Variants in GFRA1 observed in about 807,000 individuals in gnomAD.
The protein encoded by GFRA1 is GDNF family receptor alpha-1.
A neutral mutation model predicts 51.6 loss-of-function variants in GFRA1; 16 were observed. The observed-to-expected ratio is 0.31, with a 90% CI of 0.21 to 0.47. The LOEUF is 0.47. Among genes scored for constraint, GFRA1 ranks in the 20% least tolerant of loss-of-function variants. The pLI is 1.00. For synonymous variants in GFRA1, 270 were observed against 241.3 expected, an observed-to-expected ratio of 1.12 and a Z score of -1.10; for missense variants, 530 against 594.3, an observed-to-expected ratio of 0.89 and a Z score of 1.13.
At chr10:116,190,501 G>A in intron 5 of GFRA1, among the ~76,000 whole-genome samples, 1 of 152,264 alleles carries the variant, frequency 6.6e-6, no homozygotes, top group Admixed American at 6.5e-5. Context: ...AAAGGTACAG[G>A]CCCAGAAACT....
intron 4 of GFRA1, among the ~76,000 whole-genome samples, chr10:116,222,887 A>G (rs1966022608): frequency 6.6e-6 from 1 of 152,240 alleles, no homozygotes; most frequent in Non-Finnish European, 1.5e-5. Flanking sequence ...ATAATACTGT[A>G]ATAAAAATAA....
intron 4 of GFRA1, among the ~76,000 whole-genome samples, chr10:116,250,642 T>C (rs1454787492): frequency 6.6e-6 from 1 of 152,174 alleles, no homozygotes. Flanking sequence ...TCCAGACGGC[T>C]GTTTTGCTCA....
At chr10:116,095,900 T>A (rs1956549468) in intron 7 of GFRA1, among the ~76,000 whole-genome samples, 2 of 152,218 alleles carry the variant, frequency 1.3e-5, no homozygotes, top group South Asian at 2.1e-4. Context: ...CCAGTTGAGA[T>A]GAGCCCTGCC....
At chr10:116,120,049 G>A (rs1231660742) in intron 6 of GFRA1, among the ~76,000 whole-genome samples, 2 of 152,168 alleles carry the variant, frequency 1.3e-5, no homozygotes, top group African/African-American at 4.8e-5. Context: ...CAATGATAGG[G>A]TCCTTGATCC....
intron 4 of GFRA1, among the ~76,000 whole-genome samples, chr10:116,260,456 G>A (rs1053115880): frequency 7.2e-5 from 11 of 152,238 alleles, no homozygotes; most frequent in Admixed American, 2.0e-4. Flanking sequence ...AAACAATTCT[G>A]CCACCATGGC....
intron 4 of GFRA1, among the ~76,000 whole-genome samples, chr10:116,239,909 C>T (rs1023529357): frequency 1.3e-5 from 2 of 152,136 alleles, no homozygotes; most frequent in Admixed American, 6.5e-5. Flanking sequence ...CAATAGCGCC[C>T]TGTTAACATA....
intron 5 of GFRA1, among the ~76,000 whole-genome samples, chr10:116,158,832 G>A (rs192777186): frequency 5.3e-3 from 803 of 152,342 alleles, no homozygotes; most frequent in Non-Finnish European, 8.8e-3. Flanking sequence ...GCCAAGGCAA[G>A]CTTACAGGGG....
intron 5 of GFRA1, among the ~76,000 whole-genome samples, chr10:116,142,464 C>G (rs1049411795): frequency 6.6e-6 from 1 of 152,106 alleles, no homozygotes; most frequent in African/African-American, 2.4e-5. Flanking sequence ...CAAAAATCCC[C>G]AAGACCTTTC....
intron 6 of GFRA1, among the ~76,000 whole-genome samples, chr10:116,117,557 G>GGATGGATGGATGGATGGATGGA (rs1555152575): frequency 2.1e-5 from 2 of 97,348 alleles, no homozygotes; most frequent in East Asian, 6.4e-4. Flanking sequence ...GGGTGGGTGT[G>GGATGGATGGATGGATGGATGGA]TGGATGGATG....
chr10:116,071,857 AT>A (rs997636243), intron 9 of GFRA1, among the ~76,000 whole-genome samples: 13 of 149,424 alleles, frequency 8.7e-5, no homozygotes, highest in Non-Finnish European at 1.3e-4. Flanking sequence ...TCTTTATTCT[AT>A]TTTTTTTTTA....
intron 5 of GFRA1, among the ~76,000 whole-genome samples, chr10:116,172,078 T>C (rs1343607705): frequency 6.6e-6 from 1 of 152,176 alleles, no homozygotes. Context: ...CCCTCAGCCC[T>C]GAGAACTCTT....
At chr10:116,263,844 G>A (rs548575264) in intron 4 of GFRA1, among the ~76,000 whole-genome samples, 1 of 152,318 alleles carries the variant, frequency 6.6e-6, no homozygotes, top group East Asian at 1.9e-4. Flanking sequence ...AAGACAGCAG[G>A]TAATTTCAGC....
In GFRA1 at chr10:116,062,400, C is replaced by T; in HGVS notation, c.*1998G>A. ...TCACTAATTAAATACAGTTGGGTGT[C>T]TGCTGAATTTCCCTTGAAAACATTT... On this transcript the variant is annotated 3_prime_UTR_variant, in exon 11 of 11. Coordinates refer to ENST00000355422, the MANE Select transcript of GFRA1 (RefSeq NM_005264.8). 2 of 332,674 alleles carry T rather than the reference C, an allele frequency of 6.0e-6. No homozygotes were observed. Among genetic ancestry groups the T allele is most frequent in the Non-Finnish European group, 1.1e-5 (2 of 185,614 alleles). The allele number at this position is 332,674 out of a possible 1,614,324, so 20.6% of individuals were successfully genotyped here.
At chr10:116,092,618 A>C (rs975216891) in intron 8 of GFRA1, among the ~76,000 whole-genome samples, 2 of 152,022 alleles carry the variant, frequency 1.3e-5, no homozygotes, top group African/African-American at 4.8e-5. Context: ...GCTCCTCAAC[A>C]TCGGGGTGAA....
At chr10:116,212,885 C>G (rs1303505207) in intron 4 of GFRA1, among the ~76,000 whole-genome samples, 2 of 152,142 alleles carry the variant, frequency 1.3e-5, no homozygotes, top group Non-Finnish European at 2.9e-5. Context: ...GTACAAATGC[C>G]AAGTACTTTT....
intron 6 of GFRA1, among the ~76,000 whole-genome samples, chr10:116,120,776 A>G (rs1957609358): frequency 6.6e-6 from 1 of 152,186 alleles, no homozygotes; most frequent in African/African-American, 2.4e-5. Flanking sequence ...AGGTGAGTAT[A>G]AACTAGGTGT....
Position 116,060,305 on chromosome 10 carries a change from C to T in GFRA1, c.*4093G>A, listed in dbSNP as rs560986389. 8 of 152,226 alleles carry T rather than the reference C, an allele frequency of 5.3e-5. No homozygotes were observed. The highest frequency in any genetic ancestry group is 3.4e-3 in the Middle Eastern group (1 of 294). The allele number at this position is 152,226 out of a possible 1,614,324, so 9.4% of individuals were successfully genotyped here. On this transcript the variant is annotated 3_prime_UTR_variant, in exon 11 of 11. Coordinates refer to ENST00000355422, the MANE Select transcript of GFRA1 (RefSeq NM_005264.8). ...GCTTCTAAGGGTATCCAACCAAATC[C>T]CCACTTGTTTTATTTTAGAATTTCT...
intron 4 of GFRA1, chr10:116,255,796 A>AT (rs1968792440): frequency 8.0e-7 from 1 of 1,254,836 alleles, no homozygotes; most frequent in Non-Finnish European, 1.0e-6. Flanking sequence ...CAGCTAGCAC[A>AT]TTCCCTGGCA....
chr10:116,093,260 C>T (rs1474579594), intron 8 of GFRA1, among the ~76,000 whole-genome samples: 2 of 152,210 alleles, frequency 1.3e-5, no homozygotes, highest in African/African-American at 2.4e-5. Context: ...CCTTGGAGGC[C>T]TATCCCCATC....
Sources: gnomAD v4.1 joint callset for allele counts (sites outside exome capture counted in the v4.1 genomes callset) on GRCh38, gnomAD v4.1.1 for gene constraint, MANE v1.5 for transcripts, NCBI Gene and HGNC (gene_info 2026-07-23, HGNC 2026-07-21) for gene names.